THADA: variants seen among roughly 807,000 people sequenced by gnomAD.
THADA encodes the protein THADA armadillo repeat containing.
THADA carries 213 observed loss-of-function variants against 219.8 expected under a neutral mutation model. The ratio of observed to expected loss-of-function variants is 0.97; its 90% CI spans 0.87 to 1.09. The LOEUF (loss-of-function observed/expected upper bound fraction) is 1.09, where lower values mean the gene tolerates loss of function less well. THADA is among the 50% of genes least tolerant of loss of function. The pLI is 0.00. For synonymous variants in THADA, 1,018 were observed against 828.9 expected, an observed-to-expected ratio of 1.23 and a Z score of -3.92; for missense variants, 2,956 against 2,311.3, an observed-to-expected ratio of 1.28 and a Z score of -5.72.
chr2:43,470,023 C>T (rs1684715704), intron 26 of THADA, among the ~76,000 whole-genome samples: 1 of 151,822 alleles, frequency 6.6e-6, no homozygotes, highest in South Asian at 2.1e-4. Flanking sequence ...CCAGCATGGG[C>T]AACATGACAA....
intron 25 of THADA, among the ~76,000 whole-genome samples, chr2:43,490,783 G>A (rs868855696): frequency 6.6e-6 from 1 of 152,014 alleles, no homozygotes; most frequent in Non-Finnish European, 1.5e-5. Context: ...TTTATCACAG[G>A]TATGTATGTA....
chr2:43,270,984 T>TC (rs1181561177), intron 36 of THADA, among the ~76,000 whole-genome samples: 3 of 152,078 alleles, frequency 2.0e-5, no homozygotes, highest in African/African-American at 7.2e-5. Context: ...CCTTCCCCTG[T>TC]CCCCCCACTG....
intron 22 of THADA, among the ~76,000 whole-genome samples, chr2:43,524,589 C>T (rs896289223): frequency 6.6e-6 from 1 of 152,134 alleles, no homozygotes; most frequent in African/African-American, 2.4e-5. Context: ...CTCAAAAGGG[C>T]TCCAAAAGAA....
At chr2:43,332,148 C>T (rs999511559) in intron 30 of THADA, among the ~76,000 whole-genome samples, 12 of 152,172 alleles carry the variant, frequency 7.9e-5, no homozygotes, top group East Asian at 1.9e-4. Context: ...TGCAGTGGCA[C>T]GATCTTGGCT....
At chr2:43,405,669 C>G (rs963630573) in intron 28 of THADA, among the ~76,000 whole-genome samples, 6 of 152,040 alleles carry the variant, frequency 3.9e-5, no homozygotes, top group Admixed American at 3.9e-4. Context: ...GTAATGAGTT[C>G]GGAGCTTTTA....
At chr2:43,443,909 C>A (rs1681182472) in intron 26 of THADA, among the ~76,000 whole-genome samples, 1 of 152,164 alleles carries the variant, frequency 6.6e-6, no homozygotes, top group South Asian at 2.1e-4. Context: ...TAACCTCTAC[C>A]AACAAGGCAA....
At chr2:43,232,067 C>T (rs1667489625) in intron 37 of THADA, among the ~76,000 whole-genome samples, 2 of 152,184 alleles carry the variant, frequency 1.3e-5, no homozygotes, top group African/African-American at 4.8e-5. Context: ...TCTGAAAATG[C>T]TTCACCCTCA....
intron 26 of THADA, among the ~76,000 whole-genome samples, chr2:43,437,597 TG>T (rs1485085859): frequency 2.0e-5 from 3 of 152,198 alleles, no homozygotes; most frequent in African/African-American, 7.2e-5. Flanking sequence ...GATGTATTCA[TG>T]GGAGAATTCA....
At chr2:43,336,515 A>C (rs1224735814) in intron 30 of THADA, among the ~76,000 whole-genome samples, 1 of 151,206 alleles carries the variant, frequency 6.6e-6, no homozygotes, top group Middle Eastern at 3.2e-3. Context: ...CCGGTGACCC[A>C]CCTGCCTCAG....
At chr2:43,479,534 G>C (rs1685933000) in intron 26 of THADA, among the ~76,000 whole-genome samples, 1 of 151,336 alleles carries the variant, frequency 6.6e-6, no homozygotes, top group Non-Finnish European at 1.5e-5. Context: ...GAAATCATAA[G>C]AATTATCATA....
chr2:43,546,294 G>A (rs1319097146), intron 20 of THADA, among the ~76,000 whole-genome samples: 3 of 152,038 alleles, frequency 2.0e-5, no homozygotes, highest in African/African-American at 4.8e-5. Context: ...TTCCCACTAC[G>A]TGGTCAATTT....
At chr2:43,563,015 A>G (rs531071453) in intron 15 of THADA, 1 of 152,304 alleles carries the variant, frequency 6.6e-6, no homozygotes, top group African/African-American at 2.4e-5. Context: ...TAAAAAACAC[A>G]ACTTCTGGTT....
chr2:43,377,972 G>C (rs1443677199), intron 29 of THADA, among the ~76,000 whole-genome samples: 3 of 152,208 alleles, frequency 2.0e-5, no homozygotes, highest in Non-Finnish European at 2.9e-5. Context: ...ATACCTTGTA[G>C]AATGTCCCTC....
At chr2:43,365,566 GACACACACACACACAC>G (rs375762944) in intron 29 of THADA, among the ~76,000 whole-genome samples, 2 of 143,516 alleles carry the variant, frequency 1.4e-5, no homozygotes, top group Non-Finnish European at 1.5e-5. Flanking sequence ...GCAAGACTCT[GACACACACACACACAC>G]ACACACACAC....
intron 12 of THADA, among the ~76,000 whole-genome samples, chr2:43,572,280 T>A (rs1210063535): frequency 6.6e-6 from 1 of 152,322 alleles, no homozygotes; most frequent in East Asian, 1.9e-4. Flanking sequence ...GTAGCTTTGG[T>A]TTAGCTTAGT....
chr2:43,293,663 G>T (rs1248067068), intron 31 of THADA, among the ~76,000 whole-genome samples: 1 of 152,170 alleles, frequency 6.6e-6, no homozygotes, highest in Non-Finnish European at 1.5e-5. Context: ...ATTGTTAGTA[G>T]ATCTAATTGT....
At position 43,453,382 on chromosome 2, in the gene THADA, G is replaced by A. The variant is rs1407522259; in HGVS notation, c.3837-23080C>T. Among the ~76,000 whole-genome samples the A allele has an allele frequency of 3.9e-5, 6 of 152,278 alleles. No individual in the cohort carries two copies. In the South Asian group the frequency reaches 6.2e-4, roughly 16 times the overall value. On this transcript the variant is annotated intron_variant, in intron 26 of 37. Transcript: ENST00000405975. ...CAACAGATTGGCTGGATTTCCAGAC[G>A]GAGAGGGAAAGCCAGCATTTGGTAG... is the stretch of plus-strand genomic sequence containing the variant.
At chr2:43,575,450 AAAT>A (rs1423292908) in intron 10 of THADA, among the ~76,000 whole-genome samples, 1 of 152,228 alleles carries the variant, frequency 6.6e-6, no homozygotes, top group Non-Finnish European at 1.5e-5. Context: ...TTTGTCTCAA[AAAT>A]AATAATAGTC....
At chr2:43,301,088 A>C (rs548709135) in intron 31 of THADA, among the ~76,000 whole-genome samples, 1 of 152,324 alleles carries the variant, frequency 6.6e-6, no homozygotes, top group Non-Finnish European at 1.5e-5. Context: ...TTGGGCGCAG[A>C]CAGCTGTAAT....
Sources: gnomAD v4.1 joint callset for allele counts (sites outside exome capture counted in the v4.1 genomes callset) on GRCh38, gnomAD v4.1.1 for gene constraint, MANE v1.5 for transcripts, NCBI Gene and HGNC (gene_info 2026-07-23, HGNC 2026-07-21) for gene names.